Variants in NEK1 observed in about 807,000 individuals in gnomAD.
NEK1 encodes the protein NIMA related kinase 1, also known as serine/threonine-protein kinase Nek1.
A neutral mutation model predicts 182.1 loss-of-function variants in NEK1; 137 were observed. The ratio of observed to expected loss-of-function variants is 0.75; its 90% CI spans 0.65 to 0.87. NEK1 has a LOEUF of 0.87. NEK1 is among the 40% of genes least tolerant of loss of function. The probability of loss-of-function intolerance (pLI) is 0.00; values close to 1 mark genes in which losing one functional copy is unlikely to be tolerated. For synonymous variants in NEK1, 513 were observed against 492.2 expected, an observed-to-expected ratio of 1.04 and a Z score of -0.56; for missense variants, 1,391 against 1,494.4, an observed-to-expected ratio of 0.93 and a Z score of 1.14.
chr4:169,591,395 T>G (rs1187096159), intron 5 of NEK1, among the ~76,000 whole-genome samples: 1 of 152,034 alleles, frequency 6.6e-6, no homozygotes, highest in Non-Finnish European at 1.5e-5. Context: ...TCTCAGGAGT[T>G]CCTGAGATTC....
Position 169,400,261 on chromosome 4 carries a change from G to A in NEK1, c.3811C>T (p.Leu1271Phe). The A allele has an allele frequency of 1.3e-6, 2 of 1,576,698 alleles. No homozygotes were observed. Among genetic ancestry groups the A allele is most frequent in the East Asian group, 2.3e-5 (1 of 43,860 alleles). The change falls in exon 35 of 36, where the codon CTT becomes TTT. Residue 1271 changes from leucine (L) to phenylalanine (F), a missense_variant. By Grantham distance (22) the Leu-to-Phe change is conservative. Transcript: ENST00000507142. ...NEHQHLYAKI[L>F]HLVMADGAYQ... is the part of the protein sequence containing the mutation. ...GCTCCATCTGCCATGACTAAATGAAGAATCTTGGCATAAAGATGCTGATGT... is the reference window on the plus strand; with the variant it reads ...GCTCCATCTGCCATGACTAAATGAAAAATCTTGGCATAAAGATGCTGATGT...
intron 5 of NEK1, among the ~76,000 whole-genome samples, chr4:169,591,677 C>T (rs938519582): frequency 2.0e-5 from 3 of 150,772 alleles, no homozygotes; most frequent in African/African-American, 7.3e-5. Context: ...CATTTTTAAA[C>T]TAAAAAAAAA....
At chr4:169,514,569 T>TA (rs1392492852) in intron 19 of NEK1, among the ~76,000 whole-genome samples, 5 of 152,248 alleles carry the variant, frequency 3.3e-5, no homozygotes, top group African/African-American at 1.2e-4. Context: ...AAATTTAAGA[T>TA]ATCTGTTTCA....
At chr4:169,586,411 G>GA (rs1302617238) in intron 9 of NEK1, among the ~76,000 whole-genome samples, 1 of 152,012 alleles carries the variant, frequency 6.6e-6, no homozygotes, top group African/African-American at 2.4e-5. Context: ...CCTAAATGCA[G>GA]AAAAGATGTG....
chr4:169,489,658 A>T (rs1300053677), intron 23 of NEK1, among the ~76,000 whole-genome samples: 1 of 151,818 alleles, frequency 6.6e-6, no homozygotes, highest in Non-Finnish European at 1.5e-5. Context: ...ACTACAAGGA[A>T]CCTCCTCTCC....
At chr4:169,500,259 T>C (rs7682077) in intron 23 of NEK1, among the ~76,000 whole-genome samples, 42,851 of 152,086 alleles carry the variant, frequency 0.28, 8,569 homozygotes, top group African/African-American at 0.57. Context: ...AATCGCAGTA[T>C]TAGGGTGGGA....
rs142844504 is a variant in NEK1, at chr4:169,395,897, C to T, written c.3848-1374G>A. 3.0e-3 allele frequency among the ~76,000 whole-genome samples: 457 copies of T among 152,302 alleles called. 2 individuals carry two copies. Among genetic ancestry groups the T allele is most frequent in the African/African-American group, 9.8e-3 (408 of 41,564 alleles). On this transcript the variant is annotated intron_variant, in intron 35 of 35. Transcript: ENST00000507142. ...TAAATAAAATTGTTTAGAAACACTA[C>T]ATAAATGGTGTAATATTCTACTTAT...
At chr4:169,489,246 C>T (rs1041815620) in intron 23 of NEK1, among the ~76,000 whole-genome samples, 1 of 151,950 alleles carries the variant, frequency 6.6e-6, no homozygotes, top group African/African-American at 2.4e-5. Context: ...TGGTTGAAGG[C>T]AATAGAAACT....
intron 10 of NEK1, among the ~76,000 whole-genome samples, chr4:169,581,231 C>T (rs992329562): frequency 6.6e-6 from 1 of 151,882 alleles, no homozygotes; most frequent in African/African-American, 2.4e-5. Context: ...AAATTCCTCT[C>T]ATGCTTACTC....
At chr4:169,592,407 C>T (rs895494395) in intron 5 of NEK1, among the ~76,000 whole-genome samples, 1 of 152,100 alleles carries the variant, frequency 6.6e-6, no homozygotes, top group South Asian at 2.1e-4. Flanking sequence ...TGAAGCACTT[C>T]TATGTATACT....
chr4:169,499,165 C>T (rs112496660), intron 23 of NEK1, among the ~76,000 whole-genome samples: 20 of 152,300 alleles, frequency 1.3e-4, no homozygotes, highest in African/African-American at 4.3e-4. Context: ...TCTTCCATCA[C>T]TGATACCCCT....
At chr4:169,497,121 G>A (rs965356683) in intron 23 of NEK1, among the ~76,000 whole-genome samples, 8 of 152,092 alleles carry the variant, frequency 5.3e-5, no homozygotes, top group Non-Finnish European at 7.4e-5. Flanking sequence ...CTTCTTCCTG[G>A]TTTAGTCTTG....
intron 31 of NEK1, among the ~76,000 whole-genome samples, 169 bp from the exon 32 acceptor site, chr4:169,406,916 T>C (rs936754236): frequency 2.6e-5 from 4 of 151,312 alleles, no homozygotes; most frequent in Non-Finnish European, 4.4e-5. Flanking sequence ...AATATATATA[T>C]ATATTTTTAG....
At chr4:169,456,098 AT>A (rs1742832614) in intron 27 of NEK1, among the ~76,000 whole-genome samples, 2 of 152,188 alleles carry the variant, frequency 1.3e-5, no homozygotes, top group Admixed American at 1.3e-4. Context: ...AAATTAAACA[AT>A]ATGCTTCTGA....
At chr4:169,549,934 C>G (rs1198580317) in intron 18 of NEK1, among the ~76,000 whole-genome samples, 2 of 152,264 alleles carry the variant, frequency 1.3e-5, no homozygotes, top group Admixed American at 6.5e-5. Flanking sequence ...TGTTGGCAGG[C>G]TGGTCTTGAG....
At chr4:169,600,211 T>C (rs1185008952) in intron 4 of NEK1, among the ~76,000 whole-genome samples, 2 of 152,122 alleles carry the variant, frequency 1.3e-5, no homozygotes, top group African/African-American at 2.4e-5. Flanking sequence ...CAGTATTTTT[T>C]TTTTCTTTTG....
intron 18 of NEK1, among the ~76,000 whole-genome samples, chr4:169,548,951 C>T (rs7661095): frequency 1 from 152,219 of 152,342 alleles, 76,048 homozygotes; most frequent in Non-Finnish European, 1. Context: ...GCTGCCTGGC[C>T]TCAGCCCCCT....
chr4:169,402,730 G>A (rs989168831), intron 32 of NEK1, among the ~76,000 whole-genome samples: 2 of 152,142 alleles, frequency 1.3e-5, no homozygotes, highest in African/African-American at 4.8e-5. Context: ...ATGTTTAAAT[G>A]ACTTGGTCAA....
At chr4:169,427,988 CT>C (rs58161351) in intron 29 of NEK1, among the ~76,000 whole-genome samples, 90 of 140,244 alleles carry the variant, frequency 6.4e-4, no homozygotes, top group Admixed American at 1.6e-3. Context: ...CCATGCCTGG[CT>C]TTTTTTTTTT....
Sources: gnomAD v4.1 joint callset for allele counts (sites outside exome capture counted in the v4.1 genomes callset) on GRCh38, gnomAD v4.1.1 for gene constraint, MANE v1.5 for transcripts, NCBI Gene and HGNC (gene_info 2026-07-23, HGNC 2026-07-21) for gene names.